The following CLVS2 variants were observed in gnomAD, a reference collection of about 807,000 sequenced individuals.
The protein encoded by CLVS2 is clavesin-2.
Under a neutral mutation model 29.0 loss-of-function variants are expected in CLVS2, and 19 were observed. The ratio of observed to expected loss-of-function variants is 0.66; its 90% CI spans 0.46 to 0.96. The LOEUF is 0.96. Ranked by LOEUF, CLVS2 falls within the 40% of genes least tolerant of loss-of-function variation. The probability of loss-of-function intolerance (pLI) is 0.00; values close to 1 mark genes in which losing one functional copy is unlikely to be tolerated. For missense variants in CLVS2, 294 were observed against 404.1 expected (o/e 0.73, Z 2.34); for synonymous variants, 161 against 151.3 (o/e 1.06, Z -0.47).
At chr6:123,014,409 C>T (rs890569195) in intron 3 of CLVS2, among the ~76,000 whole-genome samples, 1 of 151,852 alleles carries the variant, frequency 6.6e-6, no homozygotes, top group Admixed American at 6.6e-5. Context: ...ATACATGAAC[C>T]ATTATTATAT....
intron 1 of CLVS2, 36 bp from the exon 2 acceptor site, chr6:122,997,183 C>G (rs936983549): frequency 1.2e-5 from 2 of 167,558 alleles, no homozygotes; most frequent in African/African-American, 2.4e-5. Context: ...CTTTCTCCCC[C>G]CTCTTTCTCT....
intron 3 of CLVS2, among the ~76,000 whole-genome samples, chr6:123,045,698 T>C (rs529029200): frequency 2.0e-5 from 3 of 152,288 alleles, no homozygotes; most frequent in South Asian, 2.1e-4. Flanking sequence ...CAGGCACCAA[T>C]AGACCTACAG....
chr6:123,065,625 T>A lies in CLVS2; in HGVS notation c.*1864T>A, dbSNP rs539297804. On this transcript the variant is annotated 3_prime_UTR_variant, in exon 6 of 6. Transcript: ENST00000275162. ...CAACATGTCTCAGCAGTTCTTACCT[T>A]TATAAGAATTCTAACCATTGATATT... is the stretch of plus-strand genomic sequence containing the variant. The A allele has an allele frequency of 6.6e-6, 1 of 152,006 alleles. No homozygotes were observed. Among genetic ancestry groups the A allele is most frequent in the South Asian group, 2.1e-4 (1 of 4,826 alleles). 9.4% of individuals were successfully genotyped at this position (152,006 alleles called of 1,614,324 possible). A position where few individuals can be genotyped will look rare whatever the true frequency, so the allele number is the denominator to read the frequency against.
rs1772914835 is a variant in CLVS2 at position 123,069,796 on chromosome 6, G to C, written c.*6035G>C. 2 of 151,802 alleles carry C rather than the reference G, an allele frequency of 1.3e-5. No homozygotes were observed. The highest frequency in any genetic ancestry group is 6.6e-5 in the Admixed American group (1 of 15,188). The allele number at this position is 151,802 out of a possible 1,614,324, so 9.4% of individuals were successfully genotyped here. On this transcript the variant is annotated 3_prime_UTR_variant, in exon 6 of 6. Coordinates refer to ENST00000275162, the MANE Select transcript of CLVS2 (RefSeq NM_001010852.4). ...ATGGGGAAGTGATGGTCAAATCTCT[G>C]TTGTGAAGCAAGTTTCCACACAGAA...
At chr6:123,034,009 G>C (rs1454723138) in intron 3 of CLVS2, among the ~76,000 whole-genome samples, 1 of 152,040 alleles carries the variant, frequency 6.6e-6, no homozygotes, top group African/African-American at 2.4e-5. Context: ...ACCACAGTGA[G>C]ATATCACTAC....
chr6:123,045,142 G>GACACACAC (rs112529316), intron 3 of CLVS2, among the ~76,000 whole-genome samples: 14 of 147,054 alleles, frequency 9.5e-5, no homozygotes, highest in African/African-American at 3.5e-4. Flanking sequence ...CCTCTTTTGG[G>GACACACAC]ACACACACAC....
rs1774530906 is a variant in CLVS2 at position 122,997,686 on chromosome 6, T to TG, written c.-87dup. The TG allele has an allele frequency of 1.6e-6, 2 of 1,287,550 alleles. No homozygotes were observed. Among genetic ancestry groups the TG allele is most frequent in the Admixed American group, 4.0e-5 (2 of 50,040 alleles). The allele number at this position is 1,287,550 out of a possible 1,614,324, so 79.8% of individuals were successfully genotyped here. On this transcript the variant is annotated 5_prime_UTR_variant, in exon 2 of 6. Transcript: ENST00000275162. ...GAGAGGAAGCAGGCAGCAGGAGGTCTGGGGGCTGGAGTCTGGTGGTGGCAA... is the reference window on the plus strand; with the variant it reads ...GAGAGGAAGCAGGCAGCAGGAGGTCTGGGGGGCTGGAGTCTGGTGGTGGCAA...
At chr6:123,014,380 C>T (rs932093172) in intron 3 of CLVS2, among the ~76,000 whole-genome samples, 1 of 151,860 alleles carries the variant, frequency 6.6e-6, no homozygotes, top group Admixed American at 6.6e-5. Flanking sequence ...CTGGCTAGCA[C>T]CATATACCTT....
chr6:123,059,534 A>G (rs1772744655), intron 5 of CLVS2, among the ~76,000 whole-genome samples: 1 of 152,164 alleles, frequency 6.6e-6, no homozygotes, highest in Non-Finnish European at 1.5e-5. Context: ...AGTATTCATA[A>G]CTGAATAGGG....
At position 123,047,717 on chromosome 6, in the gene CLVS2, C is replaced by T. The variant is rs531736531; in HGVS notation, c.565-905C>T. On this transcript the variant is annotated intron_variant, in intron 3 of 5. Coordinates refer to ENST00000275162, the MANE Select transcript of CLVS2 (RefSeq NM_001010852.4). ...CAGAAGAATGCCGAGTATTATGATGCCACTTCAGAGGCACTTCTAGTAGGC... is the reference window on the plus strand; with the variant it reads ...CAGAAGAATGCCGAGTATTATGATGTCACTTCAGAGGCACTTCTAGTAGGC... Among the ~76,000 whole-genome samples the T allele has an allele frequency of 4.0e-5, 6 of 151,832 alleles. No individual in the cohort carries two copies. The East Asian group carries it at 1.2e-3, about 29-fold the overall frequency.
In CLVS2 at chr6:123,063,738, C is replaced by A. The variant is rs1329066424; in HGVS notation, c.961C>A (p.Gln321Lys). The A allele has an allele frequency of 1.9e-6, 3 of 1,608,608 alleles. No individual in the cohort carries two copies. Among genetic ancestry groups the A allele is most frequent in the African/African-American group, 2.7e-5 (2 of 74,918 alleles). The change falls in exon 6 of 6, where the codon CAA becomes AAA. Residue 321 changes from glutamine to lysine, a missense_variant. Coordinates refer to ENST00000275162, the MANE Select transcript of CLVS2 (RefSeq NM_001010852.4). ...GGATAAAAATGAGGAAGAAAACATG[C>A]AACCATTGCTTTCTCTGGACTAATA... ...RMDKNEEENM[Q>K]PLLSLD
At chr6:123,047,088 T>A (rs538321643) in intron 3 of CLVS2, among the ~76,000 whole-genome samples, 1 of 152,050 alleles carries the variant, frequency 6.6e-6, no homozygotes, top group South Asian at 2.1e-4. Context: ...AGGTGCTACA[T>A]TCTTAGGGAA....
At chr6:123,023,289 C>A (rs1180362406) in intron 3 of CLVS2, among the ~76,000 whole-genome samples, 1 of 152,010 alleles carries the variant, frequency 6.6e-6, no homozygotes, top group African/African-American at 2.4e-5. Context: ...GAGGCTGCTG[C>A]AGAAGTAGGG....
intron 3 of CLVS2, among the ~76,000 whole-genome samples, chr6:123,031,544 A>G (rs955988204): frequency 1.3e-5 from 2 of 152,224 alleles, no homozygotes; most frequent in African/African-American, 4.8e-5. Context: ...AATAGTAACC[A>G]TATGAGGTGA....
rs1243144817 is a variant in CLVS2, at chr6:123,010,848, T to C, written c.390-137T>C. ...ATATAAATTAAACCTCTTCCTAAAA[T>C]AGGTTTTTAAACAAAATTATTTCCT... is the stretch of plus-strand genomic sequence containing the variant. On this transcript the variant is annotated intron_variant, in intron 2 of 5. Coordinates refer to ENST00000275162, the MANE Select transcript of CLVS2 (RefSeq NM_001010852.4). The C allele has an allele frequency of 8.0e-6, 4 of 500,612 alleles. 1 individual carries two copies. The highest frequency in any genetic ancestry group is 4.0e-5 in the Admixed American group (1 of 25,050). The allele number at this position is 500,612 out of a possible 1,614,324, so 31.0% of individuals were successfully genotyped here.
intron 3 of CLVS2, among the ~76,000 whole-genome samples, chr6:123,038,448 A>G (rs1255942643): frequency 6.6e-6 from 1 of 151,780 alleles, no homozygotes; most frequent in Non-Finnish European, 1.5e-5. Context: ...CTTTGTGCCA[A>G]TTTTTTTTAA....
chr6:123,061,925 GCTTT>G (rs1772786043), intron 5 of CLVS2, among the ~76,000 whole-genome samples: 2 of 151,968 alleles, frequency 1.3e-5, no homozygotes, highest in African/African-American at 4.8e-5. Flanking sequence ...AAACAGAATT[GCTTT>G]CTTTATTATC....
At chr6:123,028,499 A>C (rs1775035258) in intron 3 of CLVS2, among the ~76,000 whole-genome samples, 1 of 152,188 alleles carries the variant, frequency 6.6e-6, no homozygotes, top group African/African-American at 2.4e-5. Flanking sequence ...GTCTCTAAAA[A>C]ACAAACAAAC....
chr6:123,034,326 G>GA (rs1775121173), intron 3 of CLVS2, among the ~76,000 whole-genome samples: 1 of 152,072 alleles, frequency 6.6e-6, no homozygotes, highest in African/African-American at 2.4e-5. Context: ...TAAAATAGGT[G>GA]AATGGTTAAA....
Sources: allele counts gnomAD v4.1 joint callset (sites outside exome capture counted in the v4.1 genomes callset), GRCh38; gene constraint gnomAD v4.1.1; transcripts MANE v1.5; gene names NCBI Gene and HGNC (gene_info 2026-07-23, HGNC 2026-07-21).